MAP7: variants seen among roughly 807,000 people sequenced by gnomAD.
MAP7 encodes the protein ensconsin.
A neutral mutation model predicts 94.8 loss-of-function variants in MAP7; 52 were observed. The ratio of observed to expected loss-of-function variants is 0.55; its 90% CI spans 0.44 to 0.69. The LOEUF is 0.69. MAP7 is among the 30% of genes least tolerant of loss of function. MAP7 has a pLI of 0.00. For synonymous variants in MAP7, 350 were observed against 357.0 expected, an observed-to-expected ratio of 0.98 and a Z score of 0.22; for missense variants, 940 against 964.6, an observed-to-expected ratio of 0.97 and a Z score of 0.34.
intron 1 of MAP7, among the ~76,000 whole-genome samples, chr6:136,476,656 A>T (rs1427797715): frequency 3.9e-5 from 6 of 152,220 alleles, no homozygotes; most frequent in Admixed American, 2.6e-4. Context: ...ACAATTCATA[A>T]TCTATCACAC....
chr6:136,345,958 C>CA lies in MAP7; in HGVS notation c.2136dup (p.Glu713Ter). ...GGATTCAAAGGAATTTCTGGGCTCTCACTGTTGGTGACATCTAATCTGGAT... is the reference window on the plus strand; with the variant it reads ...GGATTCAAAGGAATTTCTGGGCTCTCAACTGTTGGTGACATCTAATCTGGAT... On this transcript the variant is annotated frameshift_variant, in exon 17 of 18. Coordinates refer to ENST00000354570, the MANE Select transcript of MAP7 (RefSeq NM_003980.6). LOFTEE classifies it high-confidence loss of function. 1 of 1,614,020 alleles carries CA rather than the reference C, an allele frequency of 6.2e-7. No individual in the cohort carries two copies. The highest frequency in any genetic ancestry group is 8.5e-7 in the Non-Finnish European group (1 of 1,179,898).
Position 136,372,502 on chromosome 6 carries a change from G to A in MAP7, c.875C>T (p.Ala292Val), listed in dbSNP as rs773646433. 5.7e-5 allele frequency: 92 copies of A among 1,613,914 alleles called. No homozygotes were observed. The highest frequency in any genetic ancestry group is 9.9e-5 in the South Asian group (9 of 91,050). Residue 292 changes from alanine (A) to valine (V), a missense_variant and splice_region_variant, in exon 8 of 18, where the codon GCG becomes GTG. Transcript: ENST00000354570. ...CAGCTGCTCCCAACAGCTACTCACC[G>A]CTGTGCCATGAATGATCCTCCTGCG... ...SSRRRIIHGT[A>V]SYKKEREREN...
At chr6:136,506,285 C>T (rs3799449) in intron 1 of MAP7, among the ~76,000 whole-genome samples, 17,599 of 152,004 alleles carry the variant, frequency 0.12, 2,607 homozygotes, top group African/African-American at 0.34. Flanking sequence ...TACCTAAAGA[C>T]ATGCATAATC....
intron 1 of MAP7, among the ~76,000 whole-genome samples, chr6:136,509,620 A>G (rs902216730): frequency 1.1e-4 from 17 of 152,072 alleles, no homozygotes; most frequent in Admixed American, 3.3e-4. Context: ...GTGCAGTGGC[A>G]TGATTATAGC....
chr6:136,409,091 A>T (rs1372442456), intron 3 of MAP7, among the ~76,000 whole-genome samples: 4 of 152,222 alleles, frequency 2.6e-5, no homozygotes, highest in African/African-American at 9.6e-5. Context: ...TCTGAAATGT[A>T]AAGAAAATAA....
intron 1 of MAP7, among the ~76,000 whole-genome samples, chr6:136,547,239 T>C (rs572714194): frequency 3.7e-4 from 56 of 152,342 alleles, no homozygotes; most frequent in African/African-American, 1.3e-3. Flanking sequence ...CAATTCCAGA[T>C]TCTAAGTCAT....
chr6:136,513,765 C>T (rs1823944056), intron 1 of MAP7, among the ~76,000 whole-genome samples: 1 of 152,248 alleles, frequency 6.6e-6, no homozygotes, highest in South Asian at 2.1e-4. Context: ...ACACCTGAGC[C>T]CCAGACGCAT....
intron 1 of MAP7, among the ~76,000 whole-genome samples, chr6:136,456,767 G>GGAGGAAGAAGAAGAAGAAGAAGAA (rs1179338276): frequency 7.1e-4 from 43 of 60,592 alleles, no homozygotes; most frequent in East Asian, 3.1e-3. Context: ...AGGAGGAGGA[G>GGAGGAAGAAGAAGAAGAAGAAGAA]GAAGAAGAAG....
At position 136,372,579 on chromosome 6, in the gene MAP7, T is replaced by C. The variant is rs765851622; in HGVS notation, c.798A>G (p.Arg266=). ...IIMPYKAAHS[R]NSMDRPKLFV... ...AGAGTTTTGGTCGATCCATCGAATT[T>C]CTAGAGTGTGCAGCTTTGTAGGGCA... The change falls in exon 8 of 18, where the codon AGA becomes AGG. Residue 266 remains arginine (R), a synonymous_variant. Coordinates refer to ENST00000354570, the MANE Select transcript of MAP7 (RefSeq NM_003980.6). The C allele has an allele frequency of 1.5e-5, 24 of 1,614,038 alleles. No homozygotes were observed. The highest frequency in any genetic ancestry group is 2.0e-5 in the Non-Finnish European group (24 of 1,180,042).
chr6:136,501,365 C>T (rs1443026134), intron 1 of MAP7, among the ~76,000 whole-genome samples: 2 of 152,166 alleles, frequency 1.3e-5, no homozygotes, highest in Non-Finnish European at 2.9e-5. Context: ...CTGAAAGCTG[C>T]TCCACCATTT....
intron 1 of MAP7, among the ~76,000 whole-genome samples, chr6:136,480,198 C>T (rs888894723): frequency 6.6e-6 from 1 of 152,118 alleles, no homozygotes; most frequent in Admixed American, 6.6e-5. Flanking sequence ...CATACATCTA[C>T]AGTAAATGCA....
At chr6:136,421,871 C>T (rs891420127) in intron 1 of MAP7, 72 bp from the exon 2 acceptor site, 8 of 1,167,132 alleles carry the variant, frequency 6.9e-6, no homozygotes, top group African/African-American at 1.5e-5. Context: ...TTTAAGTATT[C>T]GACATTTACT....
At chr6:136,403,001 C>A (rs1784613419) in intron 3 of MAP7, among the ~76,000 whole-genome samples, 1 of 149,884 alleles carries the variant, frequency 6.7e-6, no homozygotes, top group African/African-American at 2.5e-5. Flanking sequence ...GGAATGTTAG[C>A]CTTCACTAAA....
chr6:136,365,191 C>T (rs1793944892), intron 10 of MAP7: 1 of 152,164 alleles, frequency 6.6e-6, no homozygotes, highest in Admixed American at 6.5e-5. Context: ...TGTTCTATGA[C>T]CCTCCTTTCC....
intron 1 of MAP7, among the ~76,000 whole-genome samples, chr6:136,460,481 A>C (rs1263844625): frequency 6.6e-6 from 1 of 152,218 alleles, no homozygotes; most frequent in Admixed American, 6.5e-5. Flanking sequence ...ATTGGAAAAC[A>C]AACATTTTTG....
At chr6:136,531,241 T>C (rs557592912) in intron 1 of MAP7, among the ~76,000 whole-genome samples, 2 of 145,118 alleles carry the variant, frequency 1.4e-5, no homozygotes, top group South Asian at 4.2e-4. Context: ...TCCAATTTTA[T>C]AGATTCCAAA....
At position 136,389,523 on chromosome 6, in the gene MAP7, G is replaced by C. The variant is rs1780100769; in HGVS notation, c.245-6C>G. ...CCACACTATTTCTCTTGCAGCTTTGGGGAGGGTTAAAAAAAAAAAAAAAGA... is the reference window on the plus strand; with the variant it reads ...CCACACTATTTCTCTTGCAGCTTTGCGGAGGGTTAAAAAAAAAAAAAAAGA... On this transcript the variant is annotated splice_region_variant and splice_polypyrimidine_tract_variant and intron_variant, in intron 3 of 17. Transcript: ENST00000354570. 1 of 1,602,206 alleles carries C rather than the reference G, an allele frequency of 6.2e-7. No homozygotes were observed. The highest frequency in any genetic ancestry group is 8.5e-7 in the Non-Finnish European group (1 of 1,178,188).
intron 1 of MAP7, among the ~76,000 whole-genome samples, chr6:136,434,765 G>T (rs927072982): frequency 2.0e-5 from 3 of 152,134 alleles, no homozygotes; most frequent in Non-Finnish European, 4.4e-5. Context: ...CAAAACAAAA[G>T]AGTGGTTTTA....
At chr6:136,461,439 T>G (rs1805175410) in intron 1 of MAP7, among the ~76,000 whole-genome samples, 1 of 152,226 alleles carries the variant, frequency 6.6e-6, no homozygotes, top group African/African-American at 2.4e-5. Context: ...CTTTGACTAT[T>G]TTATAACTGT....
Sources: gnomAD v4.1 joint callset for allele counts (sites outside exome capture counted in the v4.1 genomes callset) on GRCh38, gnomAD v4.1.1 for gene constraint, MANE v1.5 for transcripts, NCBI Gene and HGNC (gene_info 2026-07-23, HGNC 2026-07-21) for gene names.